Variants in AGFG1 observed in about 807,000 individuals in gnomAD.
AGFG1 encodes arf-GAP domain and FG repeat-containing protein 1.
Under a neutral mutation model 60.6 loss-of-function variants are expected in AGFG1, and 10 were observed. That is an observed-to-expected ratio of 0.16 (90% CI 0.10 to 0.28). The LOEUF (loss-of-function observed/expected upper bound fraction) is 0.28. AGFG1 is among the 10% of genes least tolerant of loss of function. The pLI is 1.00. For missense variants in AGFG1, 537 were observed against 676.5 expected, an observed-to-expected ratio of 0.79 and a Z score of 2.29; for synonymous variants, 247 against 242.9, an observed-to-expected ratio of 1.02 and a Z score of -0.16.
chr2:227,503,049 A>G (rs1365561731), intron 2 of AGFG1, among the ~76,000 whole-genome samples: 1 of 152,062 alleles, frequency 6.6e-6, no homozygotes, highest in African/African-American at 2.4e-5. Context: ...CCTGGGCAAC[A>G]TGGTGAGACC....
At chr2:227,532,184 A>C (rs979677589) in intron 6 of AGFG1, 1 of 1,549,008 alleles carries the variant, frequency 6.5e-7, no homozygotes, top group Non-Finnish European at 8.7e-7. Context: ...AATTTACTTC[A>C]GCTTTTCCTC....
intron 10 of AGFG1, among the ~76,000 whole-genome samples, chr2:227,550,815 A>C (rs766171068): frequency 1.3e-5 from 2 of 152,180 alleles, no homozygotes; most frequent in Non-Finnish European, 2.9e-5. Flanking sequence ...TAAATCAATG[A>C]ACAAATTGGT....
chr2:227,546,553 CCTT>C (rs1198921517), intron 10 of AGFG1, among the ~76,000 whole-genome samples: 5 of 152,198 alleles, frequency 3.3e-5, no homozygotes, highest in South Asian at 4.1e-4. Context: ...CAGAAATCAC[CCTT>C]CTTCTGCGTC....
intron 1 of AGFG1, among the ~76,000 whole-genome samples, chr2:227,474,000 C>T (rs549490399): frequency 1.3e-5 from 2 of 152,256 alleles, no homozygotes; most frequent in East Asian, 3.9e-4. Flanking sequence ...CTATGCTGAA[C>T]ATGAAAATTG....
intron 8 of AGFG1, among the ~76,000 whole-genome samples, chr2:227,535,983 G>T (rs1692297081): frequency 6.6e-6 from 1 of 151,914 alleles, no homozygotes; most frequent in South Asian, 2.1e-4. Flanking sequence ...TTGCATTGAT[G>T]GTGTGAAAAC....
At chr2:227,544,080 A>T (rs989533352) in intron 10 of AGFG1, among the ~76,000 whole-genome samples, 4 of 147,654 alleles carry the variant, frequency 2.7e-5, no homozygotes, top group African/African-American at 9.9e-5. Flanking sequence ...TCTGCACGTG[A>T]GATGGGTTTC....
At chr2:227,544,003 CT>C (rs1331271316) in intron 10 of AGFG1, among the ~76,000 whole-genome samples, 1 of 151,864 alleles carries the variant, frequency 6.6e-6, no homozygotes, top group Admixed American at 6.6e-5. Flanking sequence ...GCAACCTCTG[CT>C]TTTTTTTGTT....
In AGFG1 at chr2:227,554,539, A is replaced by C. The variant is rs751531529; in HGVS notation, c.*44A>C. 1 of 1,464,528 alleles carries C rather than the reference A, an allele frequency of 6.8e-7. No homozygotes were observed. The highest frequency in any genetic ancestry group is 2.3e-5 in the East Asian group (1 of 44,058). The allele number at this position is 1,464,528 out of a possible 1,614,324, so 90.7% of individuals were successfully genotyped here. A position where few individuals can be genotyped will look rare whatever the true frequency, so the allele number is the denominator to read the frequency against. On this transcript the variant is annotated 3_prime_UTR_variant, in exon 13 of 13. Coordinates refer to ENST00000310078, the MANE Select transcript of AGFG1 (RefSeq NM_004504.5). ...CTGGAACGAACTTTTATGTGGTCACATTACATCTCTCCACCTCTTGCACTG... is the reference window on the plus strand; with the variant it reads ...CTGGAACGAACTTTTATGTGGTCACCTTACATCTCTCCACCTCTTGCACTG...
chr2:227,491,252 A>G (rs1690807274), intron 1 of AGFG1, among the ~76,000 whole-genome samples: 1 of 152,214 alleles, frequency 6.6e-6, no homozygotes. Flanking sequence ...CATCAGAAAC[A>G]CACTAAAGCA....
At chr2:227,510,612 GGTTCCCAT>G (rs1691468850) in intron 2 of AGFG1, 1 of 152,188 alleles carries the variant, frequency 6.6e-6, no homozygotes, top group African/African-American at 2.4e-5. Flanking sequence ...TTGCATTCCT[GGTTCCCAT>G]GAAGTATTTG....
intron 1 of AGFG1, among the ~76,000 whole-genome samples, chr2:227,486,158 C>T (rs1031739394): frequency 2.6e-5 from 4 of 152,158 alleles, no homozygotes. Flanking sequence ...CTCGCCTTGG[C>T]TATTGTTGGC....
intron 1 of AGFG1, among the ~76,000 whole-genome samples, chr2:227,481,419 G>C (rs1446073063): frequency 6.6e-6 from 1 of 152,110 alleles, no homozygotes; most frequent in Non-Finnish European, 1.5e-5. Flanking sequence ...AGGAACTGGA[G>C]AGTCTAATGA....
chr2:227,503,593 G>A (rs1691222669), intron 2 of AGFG1, among the ~76,000 whole-genome samples: 1 of 152,110 alleles, frequency 6.6e-6, no homozygotes, highest in South Asian at 2.1e-4. Context: ...GGCAGCTTTG[G>A]GCACCAAGTG....
intron 3 of AGFG1, among the ~76,000 whole-genome samples, chr2:227,523,251 C>T (rs980809146): frequency 6.6e-6 from 1 of 152,092 alleles, no homozygotes; most frequent in Non-Finnish European, 1.5e-5. Flanking sequence ...TTTTGTGTCT[C>T]CTGTCTTCTG....
At position 227,533,738 on chromosome 2, in the gene AGFG1, A is replaced by T. The variant is rs201506988; in HGVS notation, c.1004A>T (p.Asn335Ile). The change falls in exon 7 of 13, where the codon AAT (asparagine) becomes ATT (isoleucine). Residue 335 changes from asparagine (N) to isoleucine (I), a missense_variant. This residue lies in a region of AGFG1 where 287 missense variants were observed against 343.6 expected (regional missense o/e 0.84). Transcript: ENST00000310078. ...TATGCAGCACTTGCTAATTTAGACA[A>T]TATCTTCAGTGCCGGGCAAGGTATC... ...DKYAALANLD[N>I]IFSAGQGGDQ... 5.0e-6 allele frequency: 8 copies of T among 1,613,626 alleles called. No individual in the cohort carries two copies. The highest frequency in any genetic ancestry group is 6.8e-6 in the Non-Finnish European group (8 of 1,179,698).
Position 227,554,438 on chromosome 2 carries a change from T to A in AGFG1, c.1632T>A (p.Thr544=). The A allele has an allele frequency of 6.2e-7, 1 of 1,613,126 alleles. No individual in the cohort carries two copies. Among genetic ancestry groups the A allele is most frequent in the Non-Finnish European group, 8.5e-7 (1 of 1,179,320 alleles). The change falls in exon 13 of 13, where the codon ACT becomes ACA. Residue 544 remains threonine, a splice_region_variant and synonymous_variant. Transcript: ENST00000310078. ...AAGVSSNPFM[T]GAPTGQFPTG... ...ATTTGTCTTATGTTTTCCTTTAGAC[T>A]GGTGCACCAACAGGACAATTTCCAA...
At chr2:227,497,637 A>G (rs2106177338) in intron 2 of AGFG1, among the ~76,000 whole-genome samples, 1 of 151,700 alleles carries the variant, frequency 6.6e-6, no homozygotes, top group Admixed American at 6.6e-5. Context: ...AAGACATTAT[A>G]GACATCTCTG....
At position 227,558,413 on chromosome 2, in the gene AGFG1, G is replaced by T; in HGVS notation, c.*3918G>T. The T allele has an allele frequency of 6.6e-6, 1 of 151,190 alleles. No homozygotes were observed. The allele number at this position is 151,190 out of a possible 1,614,324, so 9.4% of individuals were successfully genotyped here. ...TTCTTGGTTTTTTTTTTTAACTTTA[G>T]AAGTAAATTAATATGGTAACTAGTG... is the stretch of plus-strand genomic sequence containing the variant. On this transcript the variant is annotated 3_prime_UTR_variant, in exon 13 of 13. Coordinates refer to ENST00000310078, the MANE Select transcript of AGFG1 (RefSeq NM_004504.5).
intron 2 of AGFG1, chr2:227,508,728 A>T (rs1407379160): frequency 2.3e-6 from 1 of 427,612 alleles, no homozygotes; most frequent in Non-Finnish European, 4.6e-6. Flanking sequence ...TCTAAAGCTC[A>T]TCCAAAAGAA....
Sources: gnomAD v4.1 joint callset for allele counts (sites outside exome capture counted in the v4.1 genomes callset) on GRCh38, gnomAD v4.1.1 for gene constraint, gnomAD v4.1.1 regional missense constraint, MANE v1.5 for transcripts, NCBI Gene and HGNC (gene_info 2026-07-23, HGNC 2026-07-21) for gene names.